Variants in CCDC13 observed in about 807,000 individuals in gnomAD.
CCDC13 encodes coiled-coil domain containing 13, also known as coiled-coil domain-containing protein 13.
A neutral mutation model predicts 87.3 loss-of-function variants in CCDC13; 70 were observed. The ratio of observed to expected loss-of-function variants is 0.80; its 90% CI spans 0.66 to 0.98. The LOEUF (loss-of-function observed/expected upper bound fraction) is 0.98. Ranked by LOEUF, CCDC13 falls within the 50% of genes least tolerant of loss-of-function variation. CCDC13 has a pLI of 0.00. For missense variants in CCDC13, 842 were observed against 892.0 expected, an observed-to-expected ratio of 0.94 and a Z score of 0.71; for synonymous variants, 317 against 360.3, an observed-to-expected ratio of 0.88 and a Z score of 1.36.
At chr3:42,722,365 G>T (rs1166245892) in intron 13 of CCDC13, among the ~76,000 whole-genome samples, 5 of 152,174 alleles carry the variant, frequency 3.3e-5, no homozygotes, top group Admixed American at 3.3e-4. Context: ...AGAGGCATTT[G>T]AACAAGAGCA....
chr3:42,758,979 G>T (rs1385669527), intron 1 of CCDC13, among the ~76,000 whole-genome samples: 3 of 152,066 alleles, frequency 2.0e-5, no homozygotes, highest in Admixed American at 1.3e-4. Context: ...GATTAATTTT[G>T]TCTGGTTTCT....
intron 1 of CCDC13, among the ~76,000 whole-genome samples, chr3:42,768,104 T>A (rs1453426083): frequency 6.6e-6 from 1 of 152,148 alleles, no homozygotes; most frequent in African/African-American, 2.4e-5. Flanking sequence ...TAGAGTCAAC[T>A]GATCCTTGAC....
rs575355976 is a variant in CCDC13 at position 42,731,002 on chromosome 3, A to G, written c.1596-413T>C. 4.9e-3 allele frequency among the ~76,000 whole-genome samples: 746 copies of G among 152,104 alleles called. 7 individuals carry two copies. The highest frequency in any genetic ancestry group is 0.017 in the African/African-American group (718 of 41,488). ...TGCCAGTCTCTCCCAGCCCTCCTGC[A>G]TCTTCTGGCTTGGTCCCCAAGCCCA... On this transcript the variant is annotated intron_variant, in intron 12 of 15. Coordinates refer to ENST00000310232, the MANE Select transcript of CCDC13 (RefSeq NM_144719.4).
At chr3:42,747,439 C>T (rs970331689) in intron 5 of CCDC13, 66 bp from the exon 6 acceptor site, 1 of 1,087,572 alleles carries the variant, frequency 9.2e-7, no homozygotes, top group South Asian at 1.3e-5. Context: ...AATCATAGCC[C>T]CCATTTATCC....
chr3:42,758,001 G>T (rs1699740495), intron 2 of CCDC13, 124 bp downstream of exon 2: 1 of 741,006 alleles, frequency 1.3e-6, no homozygotes, highest in Non-Finnish European at 2.2e-6. Context: ...TATAATTAAG[G>T]CTCTAAGCTT....
intron 1 of CCDC13, among the ~76,000 whole-genome samples, chr3:42,771,365 G>A (rs977813396): frequency 6.6e-6 from 1 of 152,144 alleles, no homozygotes; most frequent in African/African-American, 2.4e-5. Flanking sequence ...GTAAAGCCTA[G>A]GGGGTTTTTG....
chr3:42,707,282 T>C lies in CCDC13; in HGVS notation c.*1698A>G, dbSNP rs181732275. ...CCCCTCCAAGCACAGACCCTCTCTC[T>C]CCTGGCTCTCTGCCTGGCCGTTTTC... is the stretch of plus-strand genomic sequence containing the variant. On this transcript the variant is annotated 3_prime_UTR_variant, in exon 16 of 16. Transcript: ENST00000310232. Among the ~76,000 whole-genome samples, 4 of 152,258 alleles carry C rather than the reference T, an allele frequency of 2.6e-5. No individual in the cohort carries two copies. The East Asian group carries it at 7.7e-4, about 29-fold the overall frequency.
intron 3 of CCDC13, among the ~76,000 whole-genome samples, 188 bp from the exon 4 acceptor site, chr3:42,752,905 A>G (rs989613688): frequency 6.6e-6 from 1 of 152,212 alleles, no homozygotes; most frequent in Admixed American, 6.5e-5. Context: ...ATGAGTGGAA[A>G]TGCAGCCACT....
chr3:42,771,565 G>A (rs1252612204), intron 1 of CCDC13, among the ~76,000 whole-genome samples: 1 of 152,082 alleles, frequency 6.6e-6, no homozygotes, highest in Admixed American at 6.6e-5. Flanking sequence ...GACCAGCTTG[G>A]GCAACATAGC....
chr3:42,735,136 AG>A (rs1481321093), intron 10 of CCDC13, among the ~76,000 whole-genome samples: 3 of 152,238 alleles, frequency 2.0e-5, no homozygotes, highest in Non-Finnish European at 2.9e-5. Flanking sequence ...GCTCCTGACT[AG>A]GTAAGACCTA....
In CCDC13 at chr3:42,709,042, G is replaced by C. The variant is rs1370583479; in HGVS notation, c.2086C>G (p.Leu696Val). 5.3e-5 allele frequency: 85 copies of C among 1,614,098 alleles called. No individual in the cohort carries two copies. The highest frequency in any genetic ancestry group is 7.1e-5 in the Non-Finnish European group (84 of 1,179,956). ...EEDFRMYHEI[L>V]GQVKSVFLQA... Reference sequence around the variant, plus strand: ...AGGAAGACACTTTTCACCTGGCCCAGGATCTCATGGTACATCCGGAAGTCC... The same window carrying C: ...AGGAAGACACTTTTCACCTGGCCCACGATCTCATGGTACATCCGGAAGTCC... Residue 696 changes from leucine (L) to valine (V), a missense_variant, in exon 16 of 16, where the codon CTG becomes GTG. Coordinates refer to ENST00000310232, the MANE Select transcript of CCDC13 (RefSeq NM_144719.4).
intron 13 of CCDC13, among the ~76,000 whole-genome samples, chr3:42,721,353 A>T (rs867048085): frequency 3.9e-5 from 6 of 152,360 alleles, no homozygotes; most frequent in Non-Finnish European, 7.3e-5. Flanking sequence ...CAAGTTTCTG[A>T]TAACTTTGGA....
chr3:42,725,067 G>A (rs1248114702), intron 13 of CCDC13, among the ~76,000 whole-genome samples: 2 of 152,090 alleles, frequency 1.3e-5, no homozygotes, highest in Non-Finnish European at 2.9e-5. Flanking sequence ...AAAGTTATGT[G>A]GAAAATATAC....
chr3:42,744,388 C>T (rs945226661), intron 7 of CCDC13, among the ~76,000 whole-genome samples: 35 of 152,282 alleles, frequency 2.3e-4, no homozygotes, highest in South Asian at 1.9e-3. Context: ...GGAAAGGAAG[C>T]ACAATTCGCT....
At chr3:42,719,999 A>C (rs1698523802) in intron 13 of CCDC13, among the ~76,000 whole-genome samples, 1 of 152,222 alleles carries the variant, frequency 6.6e-6, no homozygotes. Context: ...ATCTTCAAAA[A>C]TGTAAACATT....
chr3:42,744,919 A>G (rs1358919745), intron 7 of CCDC13: 2 of 151,372 alleles, frequency 1.3e-5, no homozygotes, highest in Non-Finnish European at 2.9e-5. Flanking sequence ...TACAAATGTT[A>G]TTTTATGTTA....
chr3:42,745,568 A>G (rs1294287131), intron 7 of CCDC13: 1 of 168,786 alleles, frequency 5.9e-6, no homozygotes, highest in East Asian at 1.6e-4. Context: ...GACTACAAGC[A>G]TCTGGACAAA....
chr3:42,715,748 C>T (rs993721771), intron 13 of CCDC13, among the ~76,000 whole-genome samples: 1 of 152,224 alleles, frequency 6.6e-6, no homozygotes, highest in African/African-American at 2.4e-5. Flanking sequence ...ACAGAAAGTT[C>T]CACTGGTCAG....
chr3:42,728,142 C>T (rs2125879548), intron 13 of CCDC13, among the ~76,000 whole-genome samples: 1 of 152,342 alleles, frequency 6.6e-6, no homozygotes, highest in Non-Finnish European at 1.5e-5. Context: ...AGACAATGGA[C>T]AACAGGACGA....
Sources: allele counts gnomAD v4.1 joint callset (sites outside exome capture counted in the v4.1 genomes callset), GRCh38; gene constraint gnomAD v4.1.1; transcripts MANE v1.5; gene names NCBI Gene and HGNC (gene_info 2026-07-23, HGNC 2026-07-21).